ABHD2: variants seen among roughly 807,000 people sequenced by gnomAD.
ABHD2 encodes the protein abhydrolase domain containing 2, acylglycerol lipase.
ABHD2 carries 20 observed loss-of-function variants against 48.1 expected under a neutral mutation model. The observed-to-expected ratio is 0.42, with a 90% CI of 0.29 to 0.60. The LOEUF (loss-of-function observed/expected upper bound fraction) is 0.60. Among genes scored for constraint, ABHD2 ranks in the 20% least tolerant of loss-of-function variants. ABHD2 has a pLI of 0.24. For synonymous variants in ABHD2, 209 were observed against 214.2 expected (o/e 0.98, Z 0.21); for missense variants, 405 against 550.9 (o/e 0.74, Z 2.65).
At position 89,187,939 on chromosome 15, in the gene ABHD2, T is replaced by C. The variant is rs557388512; in HGVS notation, c.816-254T>C. ...GCCCGTCTTGAGCCCCCCTCCCCTG[T>C]GCTGAAGGTTTTTTAATATTCAACT... On this transcript the variant is annotated intron_variant, in intron 7 of 10. Coordinates refer to ENST00000352732, the MANE Select transcript of ABHD2 (RefSeq NM_152924.5). Among the ~76,000 whole-genome samples the C allele has an allele frequency of 5.3e-5, 8 of 152,338 alleles. No individual in the cohort carries two copies. In the South Asian group the frequency reaches 1.0e-3, roughly 20 times the overall value.
intron 1 of ABHD2, among the ~76,000 whole-genome samples, chr15:89,098,328 A>G (rs981390622): frequency 6.6e-6 from 1 of 152,144 alleles, no homozygotes; most frequent in African/African-American, 2.4e-5. Context: ...CAGCTGGGAA[A>G]TGTTCTTTTT....
chr15:89,081,166 A>ATTTT, the ABHD2 span, among the ~76,000 whole-genome samples: 1 of 115,302 alleles, frequency 8.7e-6, no homozygotes, highest in Non-Finnish European at 1.8e-5. Flanking sequence ...TGCCCAGCTA[A>ATTTT]TTTTTTTTTT....
chr15:89,148,038 G>C, intron 3 of ABHD2, among the ~76,000 whole-genome samples: 1 of 147,800 alleles, frequency 6.8e-6, no homozygotes, highest in South Asian at 2.2e-4. Context: ...AGAATCTGTT[G>C]GACCCGGGAG....
chr15:89,155,492 C>G lies in ABHD2; in HGVS notation c.496C>G (p.Leu166Val). Residue 166 changes from leucine (L) to valine (V), a missense_variant, in exon 5 of 11, where the codon CTG (leucine) becomes GTG (valine). By Grantham distance (32) the Leu-to-Val change is conservative. Coordinates refer to ENST00000352732, the MANE Select transcript of ABHD2 (RefSeq NM_152924.5). The surrounding 1 kb of genome is among the most constrained non-coding windows in gnomAD (Gnocchi z 4.9). ...RCAVLNHLGALPNIELTSPRM... is the reference protein window; with the variant it reads ...RCAVLNHLGAVPNIELTSPRM... ...CGCCGTGCTGAACCACCTGGGTGCC[C>G]TGCCCAACATTGAATTGACCTCGCC... 6.2e-7 allele frequency: 1 copy of G among 1,614,186 alleles called. No individual in the cohort carries two copies. Among genetic ancestry groups the G allele is most frequent in the Non-Finnish European group, 8.5e-7 (1 of 1,180,008 alleles).
chr15:89,183,387 ATAT>A (rs1567109338), intron 6 of ABHD2: 87 of 76,156 alleles, frequency 1.1e-3, no homozygotes, highest in African/African-American at 2.8e-3. Flanking sequence ...AAAAAAAAAT[ATAT>A]ATATATATAT....
At chr15:89,071,565 T>A in the ABHD2 span, among the ~76,000 whole-genome samples, 5 of 152,178 alleles carry the variant, frequency 3.3e-5, no homozygotes, top group African/African-American at 1.2e-4. Context: ...ACCCTCCCCT[T>A]AACAACCTTC....
chr15:89,069,538 C>T, the ABHD2 span, among the ~76,000 whole-genome samples: 14 of 152,198 alleles, frequency 9.2e-5, no homozygotes, highest in Non-Finnish European at 1.8e-4. Flanking sequence ...TTGTGTTACT[C>T]ATGTTCTTGC....
chr15:89,137,641 C>T lies in ABHD2; in HGVS notation c.195-14036C>T, dbSNP rs543906421. Among the ~76,000 whole-genome samples, 1 of 152,314 alleles carries T rather than the reference C, an allele frequency of 6.6e-6. No homozygotes were observed. The highest frequency in any genetic ancestry group is 1.5e-5 in the Non-Finnish European group (1 of 68,034). On this transcript the variant is annotated intron_variant, in intron 3 of 10. Transcript: ENST00000352732. This position sits in a 1 kb window ranked among gnomAD's most constrained non-coding sequence, Gnocchi z 4.8. ...GCATTGGAATTTTCCTGTGCAGATCCTGCAATTCAGGAATAGAGCATTTAG... is the reference window on the plus strand; with the variant it reads ...GCATTGGAATTTTCCTGTGCAGATCTTGCAATTCAGGAATAGAGCATTTAG...
rs551790245 is a variant in ABHD2, at chr15:89,193,290, G to A, written c.1052G>A (p.Ser351Asn). The A allele has an allele frequency of 8.1e-6, 13 of 1,614,214 alleles. No individual in the cohort carries two copies. The African/African-American group carries it at 9.3e-5, about 12-fold the overall frequency. The change falls in exon 10 of 11, where the codon AGT becomes AAT. Residue 351 changes from serine to asparagine, a missense_variant. Transcript: ENST00000352732. ...GCTGACGATCCGTTGGTGCATGAAAGTCTTCTAACCATTCCAAAATCTCTT... is the reference window on the plus strand; with the variant it reads ...GCTGACGATCCGTTGGTGCATGAAAATCTTCTAACCATTCCAAAATCTCTT... ...NAADDPLVHE[S>N]LLTIPKSLSE...
At chr15:89,181,346 C>T (rs983028054) in intron 6 of ABHD2, among the ~76,000 whole-genome samples, 9 of 151,270 alleles carry the variant, frequency 5.9e-5, no homozygotes, top group Non-Finnish European at 4.4e-5. Flanking sequence ...CCTCCTTCTA[C>T]AAGTAAAAAT....
rs1409375326 is a variant in ABHD2, at chr15:89,177,727, C to T, written c.722+1732C>T. ...TTGGTGGGACTAGTAATATCCAACT[C>T]CCAGCTCATAGCCACGTGTAACCAG... On this transcript the variant is annotated intron_variant, in intron 6 of 10. Coordinates refer to ENST00000352732, the MANE Select transcript of ABHD2 (RefSeq NM_152924.5). The surrounding 1 kb of genome is among the most constrained non-coding windows in gnomAD (Gnocchi z 5.6). 6.6e-6 allele frequency among the ~76,000 whole-genome samples: 1 copy of T among 152,118 alleles called. No homozygotes were observed. Among genetic ancestry groups the T allele is most frequent in the Non-Finnish European group, 1.5e-5 (1 of 68,018 alleles).
chr15:89,053,318 A>T, the ABHD2 span, among the ~76,000 whole-genome samples: 1 of 152,120 alleles, frequency 6.6e-6, no homozygotes, highest in Non-Finnish European at 1.5e-5. Flanking sequence ...AGACAGTAGT[A>T]ACTTGTGGTA....
chr15:89,047,807 G>T, the ABHD2 span, among the ~76,000 whole-genome samples: 1 of 147,082 alleles, frequency 6.8e-6, no homozygotes, highest in Admixed American at 6.8e-5. Flanking sequence ...ATGTGAGATG[G>T]GTTTCCTGAA....
intron 3 of ABHD2, among the ~76,000 whole-genome samples, chr15:89,135,059 G>A (rs1352479932): frequency 6.6e-6 from 1 of 150,626 alleles, no homozygotes; most frequent in African/African-American, 2.4e-5. Context: ...CTTGATTGGT[G>A]TGTTCTTTCT....
chr15:89,046,717 T>C, the ABHD2 span, among the ~76,000 whole-genome samples: 2 of 152,240 alleles, frequency 1.3e-5, no homozygotes, highest in Non-Finnish European at 2.9e-5. Context: ...TGATGGTAGT[T>C]TGTAGTTCTG....
the ABHD2 span, among the ~76,000 whole-genome samples, chr15:89,062,270 G>A: frequency 6.6e-6 from 1 of 152,006 alleles, no homozygotes; most frequent in African/African-American, 2.4e-5. Flanking sequence ...TGTTTGTCAG[G>A]AATATAAAGG....
Position 89,102,412 on chromosome 15 carries a change from C to CT in ABHD2, c.-106-11310dup, listed in dbSNP as rs2150787066. ...GCCCCCACAGAGGTTAGAGTGATGT[C>CT]TTTCGTCCCTGTGGGGAGTGAGGTG... is the stretch of plus-strand genomic sequence containing the variant. On this transcript the variant is annotated intron_variant, in intron 1 of 10. Transcript: ENST00000352732. The surrounding 1 kb of genome is among the most constrained non-coding windows in gnomAD (Gnocchi z 4.8). The CT allele has an allele frequency of 6.6e-6, 1 of 152,346 alleles. No homozygotes were observed. Among genetic ancestry groups the CT allele is most frequent in the Admixed American group, 6.5e-5 (1 of 15,310 alleles). 9.4% of individuals were successfully genotyped at this position (152,346 alleles called of 1,614,324 possible).
At chr15:89,112,898 C>G (rs1211125183) in intron 1 of ABHD2, among the ~76,000 whole-genome samples, 1 of 152,190 alleles carries the variant, frequency 6.6e-6, no homozygotes, top group Non-Finnish European at 1.5e-5. Flanking sequence ...TCTCAGTTAC[C>G]TTGTCTATAA....
intron 1 of ABHD2, among the ~76,000 whole-genome samples, chr15:89,107,180 G>A (rs2049799696): frequency 6.6e-6 from 1 of 152,154 alleles, no homozygotes; most frequent in Admixed American, 6.5e-5. Context: ...TTCCAGCTGT[G>A]CACTGCCAAG....
Sources: allele counts gnomAD v4.1 joint callset (sites outside exome capture counted in the v4.1 genomes callset), GRCh38; gene constraint gnomAD v4.1.1; non-coding constraint Gnocchi (gnomAD v3.1); transcripts MANE v1.5; gene names NCBI Gene and HGNC (gene_info 2026-07-23, HGNC 2026-07-21).